Variants in DLD observed in about 807,000 individuals in gnomAD.
The protein encoded by DLD is dihydrolipoamide dehydrogenase.
Under a neutral mutation model 62.2 loss-of-function variants are expected in DLD, and 36 were observed. The observed-to-expected ratio is 0.58, with a 90% CI of 0.44 to 0.76. The LOEUF is 0.76. Among genes scored for constraint, DLD ranks in the 30% least tolerant of loss-of-function variants. The pLI, the probability that DLD is intolerant of heterozygous loss-of-function variation, is 0.00. For synonymous variants in DLD, 204 were observed against 199.6 expected (o/e 1.02, Z -0.19); for missense variants, 541 against 608.6 (o/e 0.89, Z 1.17).
Position 107,911,316 on chromosome 7 carries a change from A to G in DLD, c.685-4190A>G, listed in dbSNP as rs1310523299. On this transcript the variant is annotated intron_variant, in intron 8 of 13. Coordinates refer to ENST00000205402, the MANE Select transcript of DLD (RefSeq NM_000108.5). ...TTCATCCAAGTTGTAGCATGTATCTATACTTCATTTCTTTATCTGGCTAAA... is the reference window on the plus strand; with the variant it reads ...TTCATCCAAGTTGTAGCATGTATCTGTACTTCATTTCTTTATCTGGCTAAA... Among the ~76,000 whole-genome samples, 11 of 152,192 alleles carry G rather than the reference A, an allele frequency of 7.2e-5. No homozygotes were observed. In the East Asian group the frequency reaches 2.1e-3, roughly 29 times the overall value.
intron 5 of DLD, chr7:107,904,652 A>G (rs1428591940): frequency 8.2e-6 from 4 of 490,604 alleles, no homozygotes; most frequent in Admixed American, 2.4e-5. Context: ...TTCTACTTAC[A>G]TATCTTCCAG....
intron 2 of DLD, among the ~76,000 whole-genome samples, chr7:107,896,875 C>G (rs1165535086): frequency 2.7e-5 from 4 of 150,124 alleles, no homozygotes; most frequent in Non-Finnish European, 5.9e-5. Context: ...TCGCTCTTGT[C>G]CCCTAGGCTG....
chr7:107,916,975 T>C lies in DLD; in HGVS notation c.1046+11T>C. The C allele has an allele frequency of 6.2e-7, 1 of 1,611,922 alleles. No homozygotes were observed. The highest frequency in any genetic ancestry group is 8.5e-7 in the Non-Finnish European group (1 of 1,178,094). ...AACTAAAATTCCAAAGTAAGTTGGA[T>C]AATTGTCTGCATTTTCAGTAATTTT... On this transcript the variant is annotated intron_variant, in intron 10 of 13. Coordinates refer to ENST00000205402, the MANE Select transcript of DLD (RefSeq NM_000108.5).
chr7:107,906,835 G>C (rs1253844340), intron 8 of DLD, among the ~76,000 whole-genome samples: 1 of 152,106 alleles, frequency 6.6e-6, no homozygotes, highest in Admixed American at 6.5e-5. Flanking sequence ...CCTTCTGTCT[G>C]CCTTGTTCTC....
chr7:107,893,469 C>G (rs187885501), intron 2 of DLD, 191 bp downstream of exon 2: 3 of 443,894 alleles, frequency 6.8e-6, no homozygotes, highest in Non-Finnish European at 1.2e-5. Flanking sequence ...AAAAACCCTG[C>G]TCTTATGAAA....
rs549574263 is a variant in DLD at position 107,896,729 on chromosome 7, C to A, written c.118+3451C>A. On this transcript the variant is annotated intron_variant, in intron 2 of 13. Transcript: ENST00000205402. Reference sequence around the variant, plus strand: ...CCTCAACAAAATGTCAACAAATAAACCTTATCAAGTAGTTCTTACATTCAG... The same window carrying A: ...CCTCAACAAAATGTCAACAAATAAAACTTATCAAGTAGTTCTTACATTCAG... 3.3e-5 allele frequency among the ~76,000 whole-genome samples: 5 copies of A among 152,264 alleles called. No individual in the cohort carries two copies. In the East Asian group the frequency reaches 9.6e-4, roughly 29 times the overall value.
At chr7:107,902,512 T>C in intron 4 of DLD, 119 bp downstream of exon 4, 1 of 873,724 alleles carries the variant, frequency 1.1e-6, no homozygotes, top group Admixed American at 1.9e-5. Flanking sequence ...TTGTGGCACA[T>C]TTCACACAGA....
chr7:107,904,925 C>G, intron 5 of DLD, 33 bp from the exon 6 acceptor site: 2 of 1,515,394 alleles, frequency 1.3e-6, no homozygotes, highest in Non-Finnish European at 1.8e-6. Context: ...AAGAATTTAG[C>G]TAAGAACTAA....
intron 5 of DLD, among the ~76,000 whole-genome samples, chr7:107,904,204 A>T (rs894617901): frequency 2.0e-5 from 3 of 152,184 alleles, no homozygotes; most frequent in African/African-American, 7.2e-5. Context: ...TATAGAGATG[A>T]TGTATATGCA....
Position 107,917,444 on chromosome 7 carries a change from A to G in DLD, c.1218A>G (p.Glu406=). The change falls in exon 11 of 14, where the codon GAA becomes GAG. Residue 406 remains glutamate, a synonymous_variant. Transcript: ENST00000205402. ...AAGTTGCTTGGGTTGGCAAATCAGA[A>G]GAGCAGTTGAAAGAAGAGGTAAGTC... ...HPEVAWVGKS[E]EQLKEEGIEY... 6.2e-7 allele frequency: 1 copy of G among 1,614,188 alleles called. No individual in the cohort carries two copies. The highest frequency in any genetic ancestry group is 8.5e-7 in the Non-Finnish European group (1 of 1,180,012).
In DLD at chr7:107,902,401, T is replaced by A. The variant is rs1370870673; in HGVS notation, c.267+8T>A. 2 of 1,613,604 alleles carry A rather than the reference T, an allele frequency of 1.2e-6. No homozygotes were observed. The highest frequency in any genetic ancestry group is 2.7e-5 in the African/African-American group (2 of 75,036). ...GGTTGTATTCCTTCTAAGGTGAGCA[T>A]GTGTTTTGTACAGCACAGAGATTGT... On this transcript the variant is annotated splice_region_variant and intron_variant, in intron 4 of 13. Coordinates refer to ENST00000205402, the MANE Select transcript of DLD (RefSeq NM_000108.5).
chr7:107,918,316 G>A (rs2032320925), intron 12 of DLD, among the ~76,000 whole-genome samples: 2 of 152,254 alleles, frequency 1.3e-5, no homozygotes, highest in East Asian at 1.9e-4. Flanking sequence ...AAATCCTCCA[G>A]TGGTGCTTTT....
At chr7:107,918,882 T>C (rs2116277341) in intron 12 of DLD, 128 bp from the exon 13 acceptor site, 1 of 813,510 alleles carries the variant, frequency 1.2e-6, no homozygotes, top group Non-Finnish European at 2.1e-6. Context: ...TCCTGACTTT[T>C]CTTCAACTGA....
chr7:107,916,886 G>T lies in DLD; in HGVS notation c.968G>T (p.Gly323Val). ...CGACGACCCTTTACTAAGAATTTGG[G>T]ACTAGAAGAGCTGGGAATTGAACTA... ...IGRRPFTKNL[G>V]LEELGIELDP... Residue 323 changes from glycine (G) to valine (V), a missense_variant, in exon 10 of 14, where the codon GGA (glycine) becomes GTA (valine). Physicochemically the swap from Gly to Val is moderately radical, Grantham distance 109 (BLOSUM62 -3). Transcript: ENST00000205402. 1 of 1,613,382 alleles carries T rather than the reference G, an allele frequency of 6.2e-7. No homozygotes were observed. Among genetic ancestry groups the T allele is most frequent in the Non-Finnish European group, 8.5e-7 (1 of 1,179,912 alleles).
chr7:107,917,340 A>G lies in DLD; in HGVS notation c.1114A>G (p.Ile372Val). The G allele has an allele frequency of 6.2e-7, 1 of 1,614,170 alleles. No homozygotes were observed. The highest frequency in any genetic ancestry group is 8.5e-7 in the Non-Finnish European group (1 of 1,180,020). Residue 372 changes from isoleucine to valine, a missense_variant, in exon 11 of 14, where the codon ATC (isoleucine) becomes GTC (valine). Ile to Val is a conservative substitution (Grantham distance 29). Transcript: ENST00000205402. ...TCACAAAGCAGAGGATGAAGGCATT[A>G]TCTGTGTTGAAGGAATGGCTGGTGG... ...LAHKAEDEGIICVEGMAGGAV... is the reference protein window; with the variant it reads ...LAHKAEDEGIVCVEGMAGGAV...
Position 107,893,215 on chromosome 7 carries a change from C to G in DLD, c.55C>G (p.Arg19Gly), listed in dbSNP as rs144038427. 741 of 1,613,344 alleles carry G rather than the reference C, an allele frequency of 4.6e-4. No individual in the cohort carries two copies. Among genetic ancestry groups the G allele is most frequent in the Non-Finnish European group, 5.8e-4 (683 of 1,179,588 alleles). ...CTTTTTCTAGAGAGGCCATTTCAAT[C>G]GAATATCTCATGGCCTACAGGGACT... Reference protein sequence around the residue: ...CSLAKRGHFNRISHGLQGLSA... With the variant: ...CSLAKRGHFNGISHGLQGLSA... Residue 19 changes from arginine to glycine, a missense_variant, in exon 2 of 14, where the codon CGA (arginine) becomes GGA (glycine). Arg to Gly is a moderately radical substitution (Grantham distance 125). Coordinates refer to ENST00000205402, the MANE Select transcript of DLD (RefSeq NM_000108.5).
At chr7:107,895,296 C>T (rs1436384144) in intron 2 of DLD, among the ~76,000 whole-genome samples, 1 of 152,144 alleles carries the variant, frequency 6.6e-6, no homozygotes. Flanking sequence ...GAGTTTTCTT[C>T]CTTACATGAG....
At chr7:107,891,420 C>T (rs2031569838) in intron 1 of DLD, 131 bp downstream of exon 1, 1 of 1,005,792 alleles carries the variant, frequency 9.9e-7, no homozygotes, top group Admixed American at 2.0e-5. Flanking sequence ...CCTGGCCCCG[C>T]CTCTGCACTG....
chr7:107,899,668 C>T (rs577204955), intron 2 of DLD, among the ~76,000 whole-genome samples: 4 of 151,812 alleles, frequency 2.6e-5, no homozygotes, highest in South Asian at 4.2e-4. Flanking sequence ...TATATATGCT[C>T]ATGTAAGAGT....
Sources: gnomAD v4.1 joint callset for allele counts (sites outside exome capture counted in the v4.1 genomes callset) on GRCh38, gnomAD v4.1.1 for gene constraint, MANE v1.5 for transcripts, NCBI Gene and HGNC (gene_info 2026-07-23, HGNC 2026-07-21) for gene names.